SEPTIN10: variants seen among roughly 807,000 people sequenced by gnomAD.
SEPTIN10 encodes septin 10, also known as septin-10.
SEPTIN10 carries 66 observed loss-of-function variants against 54.8 expected under a neutral mutation model. The observed-to-expected ratio is 1.21, with a 90% CI of 0.99 to 1.48. The LOEUF (loss-of-function observed/expected upper bound fraction) is 1.48. SEPTIN10 is among the 40% of genes most tolerant of loss of function. The pLI is 0.00. For missense variants in SEPTIN10, 620 were observed against 545.6 expected (o/e 1.14, Z -1.36); for synonymous variants, 161 against 181.0 (o/e 0.89, Z 0.89).
chr2:109,595,966 T>G (rs191117277), intron 1 of SEPTIN10, among the ~76,000 whole-genome samples: 3 of 152,250 alleles, frequency 2.0e-5, no homozygotes, highest in Non-Finnish European at 4.4e-5. Flanking sequence ...CTATAAGTGA[T>G]GCACAACACA....
chr2:109,553,266 CG>C (rs1683485657), intron 8 of SEPTIN10, 47 bp from the exon 9 acceptor site: 1 of 1,600,398 alleles, frequency 6.2e-7, no homozygotes, highest in Non-Finnish European at 8.5e-7. Context: ...TGATATAGGT[CG>C]GGTATGGCGG....
intron 1 of SEPTIN10, among the ~76,000 whole-genome samples, chr2:109,606,884 G>T (rs1030471470): frequency 6.6e-6 from 1 of 151,850 alleles, no homozygotes; most frequent in African/African-American, 2.4e-5. Context: ...ACTCCTGACC[G>T]GAGGTGACCC....
chr2:109,603,187 T>A (rs528765011), intron 1 of SEPTIN10, among the ~76,000 whole-genome samples: 1 of 152,264 alleles, frequency 6.6e-6, no homozygotes, highest in Non-Finnish European at 1.5e-5. Flanking sequence ...TGCTTATTGT[T>A]TTTCACTTAC....
chr2:109,579,512 T>C (rs1319479744), intron 4 of SEPTIN10, among the ~76,000 whole-genome samples: 2 of 151,692 alleles, frequency 1.3e-5, no homozygotes, highest in Non-Finnish European at 2.9e-5. Flanking sequence ...GCCTCCTGAG[T>C]AGCTGGGATT....
At chr2:109,595,324 A>G (rs915196335) in intron 1 of SEPTIN10, among the ~76,000 whole-genome samples, 1 of 152,224 alleles carries the variant, frequency 6.6e-6, no homozygotes, top group African/African-American at 2.4e-5. Context: ...TAAAAGGCAA[A>G]AAGTATGTAA....
chr2:109,610,379 C>T (rs1410031271), intron 1 of SEPTIN10, among the ~76,000 whole-genome samples: 1 of 152,046 alleles, frequency 6.6e-6, no homozygotes, highest in African/African-American at 2.4e-5. Flanking sequence ...TGAGCCACTG[C>T]GCCCAGCCAC....
chr2:109,593,666 A>G (rs370403134), intron 1 of SEPTIN10, among the ~76,000 whole-genome samples: 2 of 152,028 alleles, frequency 1.3e-5, no homozygotes, highest in African/African-American at 4.8e-5. Context: ...GGCCTCCCAG[A>G]GTGCTAGGAT....
intron 5 of SEPTIN10, among the ~76,000 whole-genome samples, chr2:109,569,843 T>C (rs1687937514): frequency 6.8e-6 from 1 of 147,348 alleles, no homozygotes; most frequent in African/African-American, 2.6e-5. Flanking sequence ...TTGTCACCAA[T>C]GGCGTAAGAG....
intron 5 of SEPTIN10, among the ~76,000 whole-genome samples, chr2:109,569,570 TTCTG>T (rs1462594512): frequency 6.6e-6 from 1 of 152,160 alleles, no homozygotes; most frequent in African/African-American, 2.4e-5. Flanking sequence ...GAGAAATTTT[TTCTG>T]TCTATGAAAT....
intron 4 of SEPTIN10, among the ~76,000 whole-genome samples, chr2:109,579,312 A>AT (rs1219977941): frequency 3.3e-5 from 5 of 151,542 alleles, no homozygotes; most frequent in Non-Finnish European, 7.4e-5. Flanking sequence ...CCAGGCACTG[A>AT]TTTTTTTTAT....
chr2:109,607,793 C>A (rs1341823368), intron 1 of SEPTIN10, among the ~76,000 whole-genome samples: 1 of 152,086 alleles, frequency 6.6e-6, no homozygotes, highest in African/African-American at 2.4e-5. Flanking sequence ...CTGTGTTCAC[C>A]CCTAGGGAAA....
intron 8 of SEPTIN10, 47 bp from the exon 9 acceptor site, chr2:109,553,266 C>T (rs372784312): frequency 5.6e-6 from 9 of 1,600,520 alleles, no homozygotes; most frequent in Middle Eastern, 1.8e-4. Context: ...TGATATAGGT[C>T]GGGTATGGCG....
At chr2:109,549,420 G>A (rs1175543099) in intron 9 of SEPTIN10, among the ~76,000 whole-genome samples, 1 of 152,124 alleles carries the variant, frequency 6.6e-6, no homozygotes, top group African/African-American at 2.4e-5. Flanking sequence ...TTAAACAAGG[G>A]GGCAGGGAAG....
chr2:109,543,807 G>C lies in SEPTIN10; in HGVS notation c.*502C>G, dbSNP rs571735691. On this transcript the variant is annotated 3_prime_UTR_variant, in exon 11 of 11. Transcript: ENST00000397712. ...ATATATGAATATATAGGTACAAGCTGAGTATCCCTTATCCAAAATGCTAGG... is the reference window on the plus strand; with the variant it reads ...ATATATGAATATATAGGTACAAGCTCAGTATCCCTTATCCAAAATGCTAGG... 1.3e-5 allele frequency: 3 copies of C among 230,522 alleles called. No homozygotes were observed. The highest frequency in any genetic ancestry group is 7.0e-5 in the African/African-American group (3 of 43,100). 14.3% of individuals were successfully genotyped at this position (230,522 alleles called of 1,614,324 possible). A position where few individuals can be genotyped will look rare whatever the true frequency, so the allele number is the denominator to read the frequency against.
rs1692357798 is a variant in SEPTIN10, at chr2:109,585,736, T to TA, written c.201dup (p.Asn68Ter). On this transcript the variant is annotated frameshift_variant, in exon 3 of 11. Transcript: ENST00000397712. LOFTEE classifies it high-confidence loss of function. Reference sequence around the variant, plus strand: ...TGGCACGTACCCACACAGAGAATATTAAAGCAGAAACCTTGCTGAATGGAT... The same window carrying TA: ...TGGCACGTACCCACACAGAGAATATTAAAAGCAGAAACCTTGCTGAATGGAT... 1 of 1,612,480 alleles carries TA rather than the reference T, an allele frequency of 6.2e-7. No homozygotes were observed. The highest frequency in any genetic ancestry group is 1.3e-5 in the African/African-American group (1 of 74,838).
At chr2:109,552,790 G>C (rs1427244395) in intron 9 of SEPTIN10, 1 of 266,582 alleles carries the variant, frequency 3.8e-6, no homozygotes, top group Non-Finnish European at 7.0e-6. Flanking sequence ...TGGATTTCAT[G>C]AAAGAAAAAT....
intron 1 of SEPTIN10, 198 bp downstream of exon 1, chr2:109,613,600 C>T (rs890512215): frequency 1.0e-5 from 3 of 300,712 alleles, no homozygotes; most frequent in South Asian, 1.6e-4. Flanking sequence ...GGTCCGGCCG[C>T]GCCCAGGCTC....
At chr2:109,553,945 T>C (rs886824132) in intron 8 of SEPTIN10, among the ~76,000 whole-genome samples, 7 of 152,058 alleles carry the variant, frequency 4.6e-5, no homozygotes, top group African/African-American at 1.4e-4. Flanking sequence ...TAACTTTAAG[T>C]GAAGCAATGT....
At chr2:109,564,313 T>G (rs933853037) in intron 8 of SEPTIN10, 53 bp downstream of exon 8, 12 of 1,424,100 alleles carry the variant, frequency 8.4e-6, no homozygotes, top group Non-Finnish European at 1.1e-5. Context: ...TATAAAAATA[T>G]GCAATCCTCT....
Sources: allele counts gnomAD v4.1 joint callset (sites outside exome capture counted in the v4.1 genomes callset), GRCh38; gene constraint gnomAD v4.1.1; transcripts MANE v1.5; gene names NCBI Gene and HGNC (gene_info 2026-07-23, HGNC 2026-07-21).